The following POU6F2 variants were observed in gnomAD, a reference collection of about 807,000 sequenced individuals.
POU6F2 encodes POU domain, class 6, transcription factor 2.
A neutral mutation model predicts 71.3 loss-of-function variants in POU6F2; 31 were observed. The ratio of observed to expected loss-of-function variants is 0.43; its 90% CI spans 0.33 to 0.59. The LOEUF (loss-of-function observed/expected upper bound fraction) is 0.59. Ranked by LOEUF, POU6F2 falls within the 20% of genes least tolerant of loss-of-function variation. The pLI is 0.04. For synonymous variants in POU6F2, 347 were observed against 355.7 expected, an observed-to-expected ratio of 0.98 and a Z score of 0.27; for missense variants, 783 against 856.8, an observed-to-expected ratio of 0.91 and a Z score of 1.07.
rs781236586 is a variant in POU6F2, at chr7:39,086,040, G to A, written c.277+9G>A. ...TCCCAGCAAGCTCTTCGGTAAGTCT[G>A]TCTAGGTATTTCATTTCAGTACTAC... On this transcript the variant is annotated intron_variant, in intron 2 of 9. Coordinates refer to ENST00000518318, the MANE Select transcript of POU6F2 (RefSeq NM_001370959.1). The A allele has an allele frequency of 6.2e-7, 1 of 1,612,738 alleles. No homozygotes were observed. The highest frequency in any genetic ancestry group is 2.2e-5 in the East Asian group (1 of 44,796).
intron 6 of POU6F2, among the ~76,000 whole-genome samples, chr7:39,419,109 A>G: frequency 1.4e-5 from 1 of 73,678 alleles, no homozygotes; most frequent in Non-Finnish European, 2.7e-5. Context: ...ATACACATAT[A>G]TACGTATATA....
chr7:39,140,654 G>T (rs1355828297), intron 2 of POU6F2, among the ~76,000 whole-genome samples: 1 of 152,010 alleles, frequency 6.6e-6, no homozygotes, highest in Non-Finnish European at 1.5e-5. Context: ...GATAATCCAG[G>T]ATAATCTTCC....
At chr7:39,432,796 C>T (rs146867290) in intron 6 of POU6F2, among the ~76,000 whole-genome samples, 84 of 152,214 alleles carry the variant, frequency 5.5e-4, no homozygotes, top group African/African-American at 2.0e-3. Context: ...CAGACCTGCC[C>T]TGGCAAAAAC....
At chr7:39,147,627 C>G (rs1228708227) in intron 2 of POU6F2, among the ~76,000 whole-genome samples, 1 of 152,158 alleles carries the variant, frequency 6.6e-6, no homozygotes, top group Non-Finnish European at 1.5e-5. Flanking sequence ...TAAAAACACT[C>G]CAGTGTTTTT....
At chr7:39,027,530 G>A (rs951999782) in intron 1 of POU6F2, among the ~76,000 whole-genome samples, 2 of 152,108 alleles carry the variant, frequency 1.3e-5, no homozygotes, top group Non-Finnish European at 2.9e-5. Context: ...TTGGTCCAAG[G>A]TCCTCCAATT....
At position 39,053,811 on chromosome 7, in the gene POU6F2, T is replaced by A. The variant is rs76753359; in HGVS notation, c.106-32049T>A. ...GCAAATAGAACAACAAAATGAAATT[T>A]AAAAAAAAAGACCAGCCACGGTGGC... On this transcript the variant is annotated intron_variant, in intron 1 of 9. Transcript: ENST00000518318. 7.4e-3 allele frequency among the ~76,000 whole-genome samples: 1,125 copies of A among 151,288 alleles called. 18 individuals are homozygous for A. Among genetic ancestry groups the A allele is most frequent in the East Asian group, 0.041 (211 of 5,136 alleles).
At chr7:39,234,412 C>T (rs1414629568) in intron 4 of POU6F2, among the ~76,000 whole-genome samples, 1 of 152,012 alleles carries the variant, frequency 6.6e-6, no homozygotes, top group Non-Finnish European at 1.5e-5. Flanking sequence ...GTGCTGAGGC[C>T]CTGAGTGCTC....
rs1052688883 is a variant in POU6F2, at chr7:38,984,371, G to A, written c.105+6313G>A. On this transcript the variant is annotated intron_variant, in intron 1 of 9. Transcript: ENST00000518318. ...GTTTGATGAGTAATAAGTGAAAAGC[G>A]AAATCTTTGTGGGCTTCCCAGGCAG... is the stretch of plus-strand genomic sequence containing the variant. 6.6e-5 allele frequency: 10 copies of A among 152,214 alleles called. No individual in the cohort carries two copies. In the South Asian group the frequency reaches 8.3e-4, roughly 13 times the overall value. The allele number at this position is 152,214 out of a possible 1,614,324, so 9.4% of individuals were successfully genotyped here.
chr7:39,243,551 A>G (rs1783763603), intron 4 of POU6F2, among the ~76,000 whole-genome samples: 1 of 152,118 alleles, frequency 6.6e-6, no homozygotes, highest in Non-Finnish European at 1.5e-5. Flanking sequence ...ACAAAGAAAA[A>G]ATATAACAAA....
At chr7:39,327,808 C>T (rs1480327077) in intron 4 of POU6F2, among the ~76,000 whole-genome samples, 2 of 151,528 alleles carry the variant, frequency 1.3e-5, no homozygotes, top group Admixed American at 6.6e-5. Flanking sequence ...AAGTGGACCC[C>T]CCCGCCAATA....
intron 1 of POU6F2, among the ~76,000 whole-genome samples, chr7:39,015,759 AGATATAT>A (rs1226301166): frequency 2.9e-4 from 27 of 91,992 alleles, no homozygotes; most frequent in African/African-American, 1.3e-3. Flanking sequence ...TATTATATAT[AGATATAT>A]TATATATATT....
At chr7:39,202,714 G>C (rs553591428) in intron 2 of POU6F2, among the ~76,000 whole-genome samples, 1 of 152,176 alleles carries the variant, frequency 6.6e-6, no homozygotes, top group African/African-American at 2.4e-5. Context: ...TAGAAGAAAG[G>C]TCTTCTGCAC....
chr7:39,406,761 A>G, intron 6 of POU6F2, 21 bp downstream of exon 6: 1 of 1,612,306 alleles, frequency 6.2e-7, no homozygotes, highest in South Asian at 1.1e-5. Flanking sequence ...GATGGGAACA[A>G]GAGTGCATTT....
At chr7:39,452,700 T>A (rs1788690060) in intron 8 of POU6F2, among the ~76,000 whole-genome samples, 1 of 152,208 alleles carries the variant, frequency 6.6e-6, no homozygotes. Flanking sequence ...AATAATTACA[T>A]ACATATATGT....
intron 1 of POU6F2, among the ~76,000 whole-genome samples, chr7:39,071,289 G>C (rs113863080): frequency 2.6e-5 from 4 of 151,824 alleles, no homozygotes; most frequent in African/African-American, 9.7e-5. Flanking sequence ...GTGCTCCTAC[G>C]AGAATCTAAT....
chr7:39,382,793 C>T (rs974671411), intron 5 of POU6F2, among the ~76,000 whole-genome samples: 17 of 152,092 alleles, frequency 1.1e-4, no homozygotes, highest in African/African-American at 3.6e-4. Flanking sequence ...GTTTATCTGA[C>T]GGGCAAAGCT....
intron 4 of POU6F2, among the ~76,000 whole-genome samples, chr7:39,328,385 C>T (rs1785563504): frequency 6.6e-6 from 1 of 152,124 alleles, no homozygotes; most frequent in East Asian, 1.9e-4. Flanking sequence ...TGGAATAGTC[C>T]TAGGGAATAT....
intron 2 of POU6F2, among the ~76,000 whole-genome samples, chr7:39,109,562 T>G (rs1791762227): frequency 6.6e-6 from 1 of 152,196 alleles, no homozygotes; most frequent in Non-Finnish European, 1.5e-5. Context: ...AGATTTTAGC[T>G]TATTCTCTTA....
At chr7:39,010,842 G>T (rs1441075481) in intron 1 of POU6F2, among the ~76,000 whole-genome samples, 1 of 151,096 alleles carries the variant, frequency 6.6e-6, no homozygotes, top group Non-Finnish European at 1.5e-5. Flanking sequence ...TTTTGAGTGA[G>T]ATTCTTAATC....
Sources: gnomAD v4.1 joint callset for allele counts (sites outside exome capture counted in the v4.1 genomes callset) on GRCh38, gnomAD v4.1.1 for gene constraint, MANE v1.5 for transcripts, NCBI Gene and HGNC (gene_info 2026-07-23, HGNC 2026-07-21) for gene names.